MDGA2: variants seen among roughly 807,000 people sequenced by gnomAD.
The protein encoded by MDGA2 is MAM domain containing glycosylphosphatidylinositol anchor 2.
Under a neutral mutation model 117.8 loss-of-function variants are expected in MDGA2, and 40 were observed. The observed-to-expected ratio is 0.34, with a 90% CI of 0.26 to 0.44. The LOEUF is 0.44. Among genes scored for constraint, MDGA2 ranks in the 20% least tolerant of loss-of-function variants. The pLI, the probability that MDGA2 is intolerant of heterozygous loss-of-function variation, is 1.00. For missense variants in MDGA2, 1,123 were observed against 1,250.6 expected (o/e 0.90, Z 1.54); for synonymous variants, 452 against 439.0 (o/e 1.03, Z -0.37).
At chr14:46,966,544 A>C (rs1488488036) in intron 8 of MDGA2, among the ~76,000 whole-genome samples, 1 of 152,210 alleles carries the variant, frequency 6.6e-6, no homozygotes, top group Non-Finnish European at 1.5e-5. Context: ...TTAAAGAAAA[A>C]TGTTACAGAA....
At chr14:47,327,112 C>T (rs919262984) in intron 1 of MDGA2, among the ~76,000 whole-genome samples, 4 of 152,174 alleles carry the variant, frequency 2.6e-5, no homozygotes, top group Non-Finnish European at 5.9e-5. Flanking sequence ...GGCCTCCAGG[C>T]AGGAGCCATT....
chr14:47,268,712 T>C (rs1888046764), intron 2 of MDGA2, among the ~76,000 whole-genome samples: 1 of 152,136 alleles, frequency 6.6e-6, no homozygotes, highest in African/African-American at 2.4e-5. Flanking sequence ...GCAGTTTGGG[T>C]TGCACAGTTA....
chr14:47,007,596 A>C (rs1251318323), intron 8 of MDGA2, among the ~76,000 whole-genome samples: 1 of 151,886 alleles, frequency 6.6e-6, no homozygotes, highest in Non-Finnish European at 1.5e-5. Flanking sequence ...AGAAGTAAGG[A>C]ATAAAACTTT....
chr14:46,889,369 T>C (rs1882791353), intron 10 of MDGA2, among the ~76,000 whole-genome samples: 1 of 152,106 alleles, frequency 6.6e-6, no homozygotes, highest in Non-Finnish European at 1.5e-5. Context: ...ATTTTTTAGA[T>C]ATCCAGAAAT....
Position 47,074,815 on chromosome 14 carries a change from T to G in MDGA2, c.1196-13237A>C, listed in dbSNP as rs1890431490. Among the ~76,000 whole-genome samples the G allele has an allele frequency of 2.0e-5, 3 of 152,186 alleles. No homozygotes were observed. The South Asian group carries it at 6.2e-4, about 32-fold the overall frequency. On this transcript the variant is annotated intron_variant, in intron 6 of 16. Coordinates refer to ENST00000399232, the MANE Select transcript of MDGA2 (RefSeq NM_001113498.3). The stretch of plus-strand genomic sequence containing the variant: ...TCACAGCTTGCTTTTACATCCATAG[T>G]CTGTATCTCAGCACAGGTCCCACTT...
rs773800986 is a variant in MDGA2 at position 47,083,310 on chromosome 14, T to G, written c.1195+13544A>C. On this transcript the variant is annotated intron_variant, in intron 6 of 16. Transcript: ENST00000399232. ...AAATGTCTAAAGATAACAAAGAAAC[T>G]CTTAGAAATACAGCTAGGGCCTAGG... Among the ~76,000 whole-genome samples, 6 of 151,284 alleles carry G rather than the reference T, an allele frequency of 4.0e-5. 1 individual carries two copies. The highest frequency in any genetic ancestry group is 8.9e-5 in the Non-Finnish European group (6 of 67,794).
At chr14:47,059,167 T>G in intron 7 of MDGA2, 1 of 811,548 alleles carries the variant, frequency 1.2e-6, no homozygotes, top group South Asian at 1.9e-5. Flanking sequence ...TTAGTCATTT[T>G]GTTAGTTAAT....
chr14:47,374,011 G>A (rs951204032), intron 1 of MDGA2, among the ~76,000 whole-genome samples: 2 of 152,016 alleles, frequency 1.3e-5, no homozygotes, highest in African/African-American at 4.8e-5. Context: ...CACTTAAAAT[G>A]TCAACACTTT....
chr14:46,859,807 A>C (rs1023807499), intron 14 of MDGA2, among the ~76,000 whole-genome samples: 4 of 152,140 alleles, frequency 2.6e-5, no homozygotes, highest in South Asian at 2.1e-4. Flanking sequence ...ATGTTAATAT[A>C]TACGCTTCAC....
chr14:47,085,613 CAA>C (rs1247037970), intron 6 of MDGA2, among the ~76,000 whole-genome samples: 2 of 123,998 alleles, frequency 1.6e-5, no homozygotes, highest in Non-Finnish European at 3.3e-5. Context: ...TACTATAAAT[CAA>C]GTCTTTTTTT....
chr14:47,218,743 C>T (rs775288827), intron 2 of MDGA2, among the ~76,000 whole-genome samples: 3 of 151,990 alleles, frequency 2.0e-5, no homozygotes, highest in Non-Finnish European at 4.4e-5. Flanking sequence ...CCTTTGATGG[C>T]TTTGCTTAAT....
chr14:47,358,572 C>G (rs1891045987), intron 1 of MDGA2, among the ~76,000 whole-genome samples: 1 of 152,178 alleles, frequency 6.6e-6, no homozygotes, highest in South Asian at 2.1e-4. Flanking sequence ...ACCCTAAAGA[C>G]AGCACCAAAA....
intron 1 of MDGA2, among the ~76,000 whole-genome samples, chr14:47,382,285 T>C (rs1047692456): frequency 6.6e-6 from 1 of 152,176 alleles, no homozygotes; most frequent in African/African-American, 2.4e-5. Flanking sequence ...ATTCAGGACA[T>C]AGGCATGGGC....
chr14:47,477,795 G>GA (rs879470236), intron 1 of MDGA2, among the ~76,000 whole-genome samples: 1 of 152,006 alleles, frequency 6.6e-6, no homozygotes, highest in Admixed American at 6.6e-5. Flanking sequence ...CTTTAATCGA[G>GA]AAAAAAAACT....
intron 5 of MDGA2, among the ~76,000 whole-genome samples, chr14:47,130,710 T>A (rs1882160302): frequency 6.6e-6 from 1 of 152,150 alleles, no homozygotes; most frequent in Non-Finnish European, 1.5e-5. Context: ...TTCTACAACT[T>A]CATGAGTTTA....
chr14:47,447,834 A>G (rs1240695844), intron 1 of MDGA2, among the ~76,000 whole-genome samples: 2 of 152,208 alleles, frequency 1.3e-5, no homozygotes, highest in East Asian at 1.9e-4. Flanking sequence ...AGGCAGAAAT[A>G]AAATATCAGG....
chr14:47,570,122 A>C (rs1771439856), intron 1 of MDGA2, among the ~76,000 whole-genome samples: 1 of 152,324 alleles, frequency 6.6e-6, no homozygotes, highest in African/African-American at 2.4e-5. Context: ...AAGATGCCAT[A>C]AAATATTAAC....
At chr14:47,106,810 G>C (rs1880720679) in intron 5 of MDGA2, among the ~76,000 whole-genome samples, 1 of 143,306 alleles carries the variant, frequency 7.0e-6, no homozygotes, top group Admixed American at 6.9e-5. Context: ...CGTTTCCCTT[G>C]CTTCCATAAC....
At chr14:46,850,985 C>T (rs1006945818) in intron 15 of MDGA2, among the ~76,000 whole-genome samples, 1 of 151,766 alleles carries the variant, frequency 6.6e-6, no homozygotes, top group African/African-American at 2.4e-5. Flanking sequence ...CATGTAATGT[C>T]TACTAATGAG....
Sources: allele counts gnomAD v4.1 joint callset (sites outside exome capture counted in the v4.1 genomes callset), GRCh38; gene constraint gnomAD v4.1.1; transcripts MANE v1.5; gene names NCBI Gene and HGNC (gene_info 2026-07-23, HGNC 2026-07-21).